Variants in DGLUCY observed in about 807,000 individuals in gnomAD.
DGLUCY encodes D-glutamate cyclase.
In DGLUCY, 58 loss-of-function variants were observed where a neutral mutation model predicts 58.5. The observed-to-expected ratio is 0.99, with a 90% CI of 0.80 to 1.23. The LOEUF (loss-of-function observed/expected upper bound fraction) is 1.23, where lower values mean the gene tolerates loss of function less well. DGLUCY is among the 50% of genes most tolerant of loss of function. DGLUCY has a pLI of 0.00. For missense variants in DGLUCY, 779 were observed against 784.7 expected, an observed-to-expected ratio of 0.99 and a Z score of 0.09; for synonymous variants, 325 against 314.1, an observed-to-expected ratio of 1.03 and a Z score of -0.37.
At chr14:91,187,081 C>T (rs551601676) in intron 8 of DGLUCY, among the ~76,000 whole-genome samples, 3 of 152,062 alleles carry the variant, frequency 2.0e-5, no homozygotes, top group Non-Finnish European at 2.9e-5. Context: ...CTCACTGCAA[C>T]CTCCACCTCC....
chr14:91,089,593 G>T (rs1258034846), intron 1 of DGLUCY, among the ~76,000 whole-genome samples: 1 of 152,104 alleles, frequency 6.6e-6, no homozygotes, highest in African/African-American at 2.4e-5. Context: ...AGGCCGAGGC[G>T]AGCGGAACAC....
intron 1 of DGLUCY, among the ~76,000 whole-genome samples, chr14:91,068,079 G>GCA (rs57428509): frequency 0.053 from 7,762 of 146,280 alleles, 253 homozygotes; most frequent in Admixed American, 0.081. Flanking sequence ...ACACGCGCAC[G>GCA]CACACACACA....
At chr14:91,165,296 C>T (rs2140369509) in intron 3 of DGLUCY, 1 of 456,056 alleles carries the variant, frequency 2.2e-6, no homozygotes, top group East Asian at 6.9e-5. Flanking sequence ...CACCGAGGTG[C>T]TCAATAACTT....
At chr14:91,080,407 T>C (rs2044103885) in intron 1 of DGLUCY, among the ~76,000 whole-genome samples, 1 of 152,210 alleles carries the variant, frequency 6.6e-6, no homozygotes, top group African/African-American at 2.4e-5. Flanking sequence ...AGTCTCGCAC[T>C]GTTGCCAGGC....
At chr14:91,155,998 CTA>C (rs1344419031) in intron 1 of DGLUCY, among the ~76,000 whole-genome samples, 1 of 152,058 alleles carries the variant, frequency 6.6e-6, no homozygotes, top group Non-Finnish European at 1.5e-5. Context: ...CCACAGATGT[CTA>C]TGTGGATGTG....
At chr14:91,172,647 C>A (rs916673699) in intron 5 of DGLUCY, among the ~76,000 whole-genome samples, 7 of 151,676 alleles carry the variant, frequency 4.6e-5, no homozygotes, top group African/African-American at 1.7e-4. Flanking sequence ...TCACATTTTT[C>A]CTTTTTTTTT....
chr14:91,209,623 G>C (rs866596663), intron 12 of DGLUCY, among the ~76,000 whole-genome samples: 17 of 151,792 alleles, frequency 1.1e-4, no homozygotes, highest in African/African-American at 3.6e-4. Context: ...CAGGAGAATC[G>C]CTTTAACCCG....
intron 12 of DGLUCY, among the ~76,000 whole-genome samples, chr14:91,210,614 A>G (rs911528655): frequency 1.3e-5 from 2 of 152,226 alleles, no homozygotes; most frequent in South Asian, 4.1e-4. Context: ...TAAGGAAGAA[A>G]AATCACATGT....
intron 10 of DGLUCY, among the ~76,000 whole-genome samples, chr14:91,198,455 C>CCA (rs2050354056): frequency 6.6e-6 from 1 of 150,850 alleles, no homozygotes; most frequent in South Asian, 2.1e-4. Flanking sequence ...GGCGATTCTC[C>CCA]CACCTCAGCC....
At chr14:91,148,590 T>C (rs1325487157) in intron 1 of DGLUCY, 1 of 152,114 alleles carries the variant, frequency 6.6e-6, no homozygotes, top group African/African-American at 2.4e-5. Flanking sequence ...ATTACGAAAA[T>C]GATAGAACCA....
At chr14:91,070,043 C>G (rs2043890470) in intron 1 of DGLUCY, among the ~76,000 whole-genome samples, 1 of 152,048 alleles carries the variant, frequency 6.6e-6, no homozygotes, top group Non-Finnish European at 1.5e-5. Flanking sequence ...TATAGGTGAT[C>G]TACAGATAAG....
chr14:91,203,707 T>C (rs922994153), intron 11 of DGLUCY, among the ~76,000 whole-genome samples: 2 of 151,472 alleles, frequency 1.3e-5, no homozygotes, highest in Admixed American at 6.6e-5. Flanking sequence ...GATGGAGTCT[T>C]GCTCTGTTGC....
Position 91,196,462 on chromosome 14 carries a change from C to G in DGLUCY, c.1283C>G (p.Pro428Arg), listed in dbSNP as rs367665781. 13 of 1,613,786 alleles carry G rather than the reference C, an allele frequency of 8.1e-6. No individual in the cohort carries two copies. The highest frequency in any genetic ancestry group is 1.1e-5 in the Non-Finnish European group (13 of 1,179,880). ...GCATTCCTGTGCAAAAATGGGGACC[C>G]GCAGACACCTAGGTACGTATGTCGC... ...AQAFLCKNGD[P>R]QTPRFDHLVA... Residue 428 changes from proline (P) to arginine (R), a missense_variant, in exon 10 of 14, where the codon CCG becomes CGG. Coordinates refer to ENST00000256324, the MANE Select transcript of DGLUCY (RefSeq NM_001102368.3).
intron 12 of DGLUCY, among the ~76,000 whole-genome samples, chr14:91,214,316 A>G (rs1485250440): frequency 2.0e-5 from 3 of 152,128 alleles, no homozygotes; most frequent in Non-Finnish European, 4.4e-5. Flanking sequence ...CCCTTCATCA[A>G]TTCTTCTTCA....
At chr14:91,168,344 G>GGTGACCTGGCCCCAGCTCA (rs1167106692) in intron 4 of DGLUCY, among the ~76,000 whole-genome samples, 1 of 151,614 alleles carries the variant, frequency 6.6e-6, no homozygotes, top group African/African-American at 2.4e-5. Context: ...TCAAGCCCAT[G>GGTGACCTGGCCCCAGCTCA]GTGACCTGGC....
upstream of DGLUCY, among the ~76,000 whole-genome samples, chr14:91,112,947 C>T (rs190008518): frequency 7.0e-6 from 1 of 142,732 alleles, no homozygotes; most frequent in Admixed American, 7.3e-5. Flanking sequence ...TGCAGTGAGC[C>T]AAGATCGCAC....
chr14:91,219,773 A>T (rs1365426729), intron 13 of DGLUCY, among the ~76,000 whole-genome samples: 1 of 152,198 alleles, frequency 6.6e-6, no homozygotes, highest in Non-Finnish European at 1.5e-5. Context: ...AAGGGCCAAG[A>T]GCCACTTGAT....
intron 3 of DGLUCY, among the ~76,000 whole-genome samples, chr14:91,164,864 G>A (rs2048188641): frequency 6.6e-6 from 1 of 152,226 alleles, no homozygotes; most frequent in Non-Finnish European, 1.5e-5. Flanking sequence ...GTTTGCTCAA[G>A]GCCATGGGGC....
intron 8 of DGLUCY, among the ~76,000 whole-genome samples, chr14:91,181,649 C>G (rs1398194984): frequency 6.7e-6 from 1 of 149,428 alleles, no homozygotes; most frequent in East Asian, 1.9e-4. Flanking sequence ...CTCTTTCTTT[C>G]TTTTGTTTTC....
Sources: gnomAD v4.1 joint callset for allele counts (sites outside exome capture counted in the v4.1 genomes callset) on GRCh38, gnomAD v4.1.1 for gene constraint, MANE v1.5 for transcripts, NCBI Gene and HGNC (gene_info 2026-07-23, HGNC 2026-07-21) for gene names.